The following COL5A3 variants were observed in gnomAD, a reference collection of about 807,000 sequenced individuals.
COL5A3 encodes the protein collagen type V alpha 3 chain.
In COL5A3, 172 loss-of-function variants were observed where a neutral mutation model predicts 250.0. The observed-to-expected ratio is 0.69, with a 90% CI of 0.61 to 0.78. The LOEUF (loss-of-function observed/expected upper bound fraction) is 0.78, where lower values mean the gene tolerates loss of function less well. Among genes scored for constraint, COL5A3 ranks in the 30% least tolerant of loss-of-function variants. COL5A3 has a pLI of 0.00. For synonymous variants in COL5A3, 937 were observed against 900.4 expected (o/e 1.04, Z -0.73); for missense variants, 2,340 against 2,334.4 (o/e 1.00, Z -0.05).
At chr19:9,986,234 T>C in intron 30 of COL5A3, 81 bp downstream of exon 30, 1 of 979,206 alleles carries the variant, frequency 1.0e-6, no homozygotes, top group Non-Finnish European at 1.5e-6. Flanking sequence ...AGGTCGAAGG[T>C]ATAATAAAAG....
intron 19 of COL5A3, 63 bp from the exon 20 acceptor site, chr19:9,993,130 C>A: frequency 6.4e-7 from 1 of 1,552,006 alleles, no homozygotes; most frequent in South Asian, 1.1e-5. Flanking sequence ...CACCTCCCCT[C>A]ATCTGGGCAG....
intron 22 of COL5A3, 60 bp downstream of exon 22, chr19:9,991,944 G>A: frequency 1.9e-6 from 3 of 1,568,364 alleles, no homozygotes; most frequent in Non-Finnish European, 2.6e-6. Flanking sequence ...GAATAGGGAT[G>A]TGGACAATCG....
chr19:10,009,286 C>T lies in COL5A3; in HGVS notation c.88+1012G>A, dbSNP rs547249193. Among the ~76,000 whole-genome samples the T allele has an allele frequency of 3.6e-3, 552 of 151,746 alleles. 6 individuals are homozygous for T. Among genetic ancestry groups the T allele is most frequent in the East Asian group, 2.7e-3 (14 of 5,138 alleles). On this transcript the variant is annotated intron_variant, in intron 1 of 66. Coordinates refer to ENST00000264828, the MANE Select transcript of COL5A3 (RefSeq NM_015719.4). This position sits in a 1 kb window ranked among gnomAD's most constrained non-coding sequence, Gnocchi z 4.4. The stretch of plus-strand genomic sequence containing the variant: ...TCTCAGATCAGGGAAGCCCCATCTC[C>T]AACACTTGAGAAGCTACGCCATCCC...
chr19:9,966,263 G>T (rs1253961854), intron 64 of COL5A3, 51 bp downstream of exon 64: 3 of 1,373,530 alleles, frequency 2.2e-6, no homozygotes, highest in African/African-American at 2.8e-5. Context: ...GGTGTGGGGA[G>T]CAGGGGACAG....
chr19:9,977,341 C>G (rs754319100), intron 43 of COL5A3, 24 bp downstream of exon 43: 1 of 1,611,778 alleles, frequency 6.2e-7, no homozygotes. Flanking sequence ...TCCCCTGGAC[C>G]CTTCCTCTCT....
chr19:9,971,083 G>A, intron 52 of COL5A3, 55 bp from the exon 53 acceptor site: 1 of 1,463,456 alleles, frequency 6.8e-7, no homozygotes, highest in Non-Finnish European at 9.1e-7. Context: ...TGAGAATTTG[G>A]GATGGGGCTG....
intron 55 of COL5A3, 80 bp from the exon 56 acceptor site, chr19:9,969,762 C>T (rs1197246543): frequency 1.8e-5 from 28 of 1,570,336 alleles, no homozygotes; most frequent in African/African-American, 2.7e-5. Context: ...CATCTGGGAT[C>T]GGGAGGGAGT....
At chr19:9,996,154 T>A in intron 14 of COL5A3, 35 bp from the exon 15 acceptor site, 1 of 1,552,364 alleles carries the variant, frequency 6.4e-7, no homozygotes, top group Non-Finnish European at 8.7e-7. Flanking sequence ...TGTGGGTAGA[T>A]GATTCTTCAC....
At chr19:9,982,660 C>T (rs1716492274) in intron 31 of COL5A3, among the ~76,000 whole-genome samples, 4 of 152,160 alleles carry the variant, frequency 2.6e-5, no homozygotes, top group Admixed American at 2.6e-4. Flanking sequence ...TGGAGGAACC[C>T]TTCCTCCACC....
rs992816587 is a variant in COL5A3, at chr19:9,960,047, C to A, written c.*364G>T. On this transcript the variant is annotated 3_prime_UTR_variant, in exon 67 of 67. Coordinates refer to ENST00000264828, the MANE Select transcript of COL5A3 (RefSeq NM_015719.4). ...CACCAAAAGGTGTGAAGGGCAGCGACGGAGGAGTGAGGAGGCAGGCATTGG... is the reference window on the plus strand; with the variant it reads ...CACCAAAAGGTGTGAAGGGCAGCGAAGGAGGAGTGAGGAGGCAGGCATTGG... The A allele has an allele frequency of 4.0e-6, 1 of 250,546 alleles. No homozygotes were observed. The highest frequency in any genetic ancestry group is 7.5e-6 in the Non-Finnish European group (1 of 132,940). The allele number at this position is 250,546 out of a possible 1,614,324, so 15.5% of individuals were successfully genotyped here. A position where few individuals can be genotyped will look rare whatever the true frequency, so the allele number is the denominator to read the frequency against.
chr19:9,974,370 G>A lies in COL5A3; in HGVS notation c.3381C>T (p.Gly1127=). ...CGTCATCTCCTTTCTGCCCAAAGAGGCCTGGGGGTCCCCGGCGCCCCTGAG... is the reference window on the plus strand; with the variant it reads ...CGTCATCTCCTTTCTGCCCAAAGAGACCTGGGGGTCCCCGGCGCCCCTGAG... ...DGAQGRRGPP[G]LFGQKGDDGV... Residue 1127 remains glycine, a synonymous_variant, in exon 46 of 67, where the codon GGC becomes GGT. Coordinates refer to ENST00000264828, the MANE Select transcript of COL5A3 (RefSeq NM_015719.4). The A allele has an allele frequency of 6.2e-7, 1 of 1,611,762 alleles. No homozygotes were observed. The highest frequency in any genetic ancestry group is 8.5e-7 in the Non-Finnish European group (1 of 1,179,094).
Position 9,979,259 on chromosome 19 carries a change from C to T in COL5A3, c.2767-20G>A, listed in dbSNP as rs2086969582. 6.2e-7 allele frequency: 1 copy of T among 1,604,674 alleles called. No individual in the cohort carries two copies. The highest frequency in any genetic ancestry group is 8.5e-7 in the Non-Finnish European group (1 of 1,172,498). Reference sequence around the variant, plus strand: ...CTTTCCCTGGTGAGGAAGAAGGCTCCTGTTGAGTGGGGGTGGCCTAGGGGA... The same window carrying T: ...CTTTCCCTGGTGAGGAAGAAGGCTCTTGTTGAGTGGGGGTGGCCTAGGGGA... On this transcript the variant is annotated intron_variant, in intron 38 of 66. Transcript: ENST00000264828.
At position 9,973,595 on chromosome 19, in the gene COL5A3, C is replaced by T; in HGVS notation, c.3641G>A (p.Gly1214Glu). The change falls in exon 50 of 67, where the codon GGG becomes GAG. Residue 1214 changes from glycine (G) to glutamate (E), a missense_variant. Physicochemically the swap from Gly to Glu is moderately conservative, Grantham distance 98. Coordinates refer to ENST00000264828, the MANE Select transcript of COL5A3 (RefSeq NM_015719.4). The part of the protein sequence containing the change: ...KGERGDAGDP[G>E]PPGAPGIPGP... Reference sequence around the variant, plus strand: ...CGGGATGCCTGGGGCTCCTGGAGGCCCTGGGTCTCCAGCGTCCCCTCGCTC... The same window carrying T: ...CGGGATGCCTGGGGCTCCTGGAGGCTCTGGGTCTCCAGCGTCCCCTCGCTC... The T allele has an allele frequency of 6.2e-7, 1 of 1,612,934 alleles. No homozygotes were observed. Among genetic ancestry groups the T allele is most frequent in the Non-Finnish European group, 8.5e-7 (1 of 1,179,442 alleles).
At chr19:9,995,542 T>C in intron 16 of COL5A3, 22 bp downstream of exon 16, 2 of 1,603,784 alleles carry the variant, frequency 1.2e-6, no homozygotes, top group Non-Finnish European at 1.7e-6. Flanking sequence ...AGGGGTGGTC[T>C]GGGGACCTAG....
chr19:9,962,722 T>A, intron 65 of COL5A3, 97 bp downstream of exon 65: 1 of 924,826 alleles, frequency 1.1e-6, no homozygotes, highest in South Asian at 1.6e-5. Context: ...GGAAAGCCTA[T>A]CCTCTTCATC....
At chr19:10,001,482 T>C (rs1439679712) in intron 8 of COL5A3, 42 bp downstream of exon 8, 1 of 1,574,516 alleles carries the variant, frequency 6.4e-7, no homozygotes, top group South Asian at 1.2e-5. Context: ...TTAATAGGAA[T>C]CCCACTCTCT....
Position 9,980,821 on chromosome 19 carries a change from C to T in COL5A3, c.2544G>A (p.Gly848=). The part of the protein sequence containing the change: ...RGERGQPGAT[G]QPGPKGDVGQ... The stretch of plus-strand genomic sequence containing the variant: ...CATCCCATACCTTGGGGCCTGGTTG[C>T]CCTGTGGCACCCGGTTGCCCCCTCT... Residue 848 remains glycine, a synonymous_variant, in exon 34 of 67, where the codon GGG becomes GGA. Coordinates refer to ENST00000264828, the MANE Select transcript of COL5A3 (RefSeq NM_015719.4). The T allele has an allele frequency of 1.9e-6, 3 of 1,612,474 alleles. No homozygotes were observed. The highest frequency in any genetic ancestry group is 1.1e-5 in the South Asian group (1 of 90,804).
rs1248648560 is a variant in COL5A3, at chr19:10,009,513, T to TC, written c.88+784dup. Among the ~76,000 whole-genome samples the TC allele has an allele frequency of 1.3e-5, 2 of 151,636 alleles. No homozygotes were observed. Among genetic ancestry groups the TC allele is most frequent in the Non-Finnish European group, 2.9e-5 (2 of 67,852 alleles). ...TGGGGAGGGGGGGAGCAACTTCCAC[T>TC]CCTGCCCCGCCCTGCGCCCCGCCCC... On this transcript the variant is annotated intron_variant, in intron 1 of 66. Coordinates refer to ENST00000264828, the MANE Select transcript of COL5A3 (RefSeq NM_015719.4). This position sits in a 1 kb window ranked among gnomAD's most constrained non-coding sequence, Gnocchi z 4.4.
At chr19:10,000,568 G>C (rs2087345751) in intron 8 of COL5A3, among the ~76,000 whole-genome samples, 1 of 148,768 alleles carries the variant, frequency 6.7e-6, no homozygotes, top group South Asian at 2.1e-4. Context: ...AAAGCATTGG[G>C]ATTACAGCCG....
Sources: allele counts gnomAD v4.1 joint callset (sites outside exome capture counted in the v4.1 genomes callset), GRCh38; gene constraint gnomAD v4.1.1; non-coding constraint Gnocchi (gnomAD v3.1); transcripts MANE v1.5; gene names NCBI Gene and HGNC (gene_info 2026-07-23, HGNC 2026-07-21).